Variants in IL1RAPL1 observed in about 807,000 individuals in gnomAD.
The protein encoded by IL1RAPL1 is interleukin 1 receptor accessory protein like 1.
Under a neutral mutation model 48.4 loss-of-function variants are expected in IL1RAPL1, and 3 were observed. That is an observed-to-expected ratio of 0.06 (90% CI 0.03 to 0.16). The LOEUF (loss-of-function observed/expected upper bound fraction) is 0.16. IL1RAPL1 is among the 10% of genes least tolerant of loss of function. The pLI is 1.00. For synonymous variants in IL1RAPL1, 185 were observed against 187.7 expected, an observed-to-expected ratio of 0.99 and a Z score of 0.12; for missense variants, 349 against 530.6, an observed-to-expected ratio of 0.66 and a Z score of 3.36.
At chrX:28,920,269 G>A (rs1601958925) in intron 2 of IL1RAPL1, among the ~76,000 whole-genome samples, 1 of 111,172 alleles carries the variant, frequency 9.0e-6, no homozygotes, top group East Asian at 2.8e-4. Flanking sequence ...CTGTAAAACT[G>A]GCTTTTTGCT....
At chrX:28,900,504 A>C (rs752630764) in intron 2 of IL1RAPL1, among the ~76,000 whole-genome samples, 1 of 112,166 alleles carries the variant, frequency 8.9e-6, no homozygotes, top group East Asian at 2.8e-4. Flanking sequence ...TAATATATAA[A>C]AATCTTAAAA....
At chrX:29,624,241 T>G (rs1177344141) in intron 5 of IL1RAPL1, among the ~76,000 whole-genome samples, 1 of 111,835 alleles carries the variant, frequency 8.9e-6, no homozygotes, top group African/African-American at 3.3e-5. Context: ...AGCAACTGAC[T>G]GTAGCATCCA....
At chrX:29,427,432 G>A (rs775587893) in intron 5 of IL1RAPL1, among the ~76,000 whole-genome samples, 3 of 112,187 alleles carry the variant, frequency 2.7e-5, no homozygotes, top group East Asian at 5.6e-4. Flanking sequence ...CTGAAGGATA[G>A]TATGCATTTC....
At chrX:29,437,377 T>G (rs1316476684) in intron 5 of IL1RAPL1, among the ~76,000 whole-genome samples, 3 of 110,789 alleles carry the variant, frequency 2.7e-5, no homozygotes, top group African/African-American at 3.3e-5. Context: ...TTTCTTCCTT[T>G]CCTAGCTACG....
chrX:29,410,332 G>A lies in IL1RAPL1; in HGVS notation c.703+11024G>A, dbSNP rs1035489184. Among the ~76,000 whole-genome samples the A allele has an allele frequency of 4.6e-5, 5 of 108,978 alleles. No homozygotes were observed. In the South Asian group the frequency reaches 2.1e-3, roughly 45 times the overall value. The allele number at this position is 108,978 out of a possible 115,157, so 94.6% of individuals were successfully genotyped here. A position where few individuals can be genotyped will look rare whatever the true frequency, so the allele number is the denominator to read the frequency against. On this transcript the variant is annotated intron_variant, in intron 5 of 10. Coordinates refer to ENST00000378993, the MANE Select transcript of IL1RAPL1 (RefSeq NM_014271.4). Reference sequence around the variant, plus strand: ...AAAAATTAGCTGGGTGTGGTGGTGCGTGCCTGTAGTCCCAGCTGCTCAGGA... The same window carrying A: ...AAAAATTAGCTGGGTGTGGTGGTGCATGCCTGTAGTCCCAGCTGCTCAGGA...
intron 2 of IL1RAPL1, among the ~76,000 whole-genome samples, chrX:28,943,913 A>T (rs780040640): frequency 3.5e-4 from 39 of 111,097 alleles, no homozygotes; most frequent in African/African-American, 1.2e-3. Context: ...ATAGATTTGT[A>T]AATCTACTTT....
chrX:29,380,447 G>A (rs1276858829), intron 3 of IL1RAPL1, among the ~76,000 whole-genome samples: 4 of 111,401 alleles, frequency 3.6e-5, no homozygotes, highest in African/African-American at 1.3e-4. Context: ...GGCTGGTCTC[G>A]AACTCCTGAC....
chrX:29,729,992 G>C (rs1485984139), intron 6 of IL1RAPL1, among the ~76,000 whole-genome samples: 1 of 112,194 alleles, frequency 8.9e-6, no homozygotes, highest in Non-Finnish European at 1.9e-5. Context: ...GACAAATAGA[G>C]AAGGCCTTGA....
intron 2 of IL1RAPL1, among the ~76,000 whole-genome samples, chrX:28,793,702 G>T (rs1036227187): frequency 1.8e-5 from 2 of 111,442 alleles, no homozygotes; most frequent in Non-Finnish European, 3.8e-5. Context: ...GACAAAGTAT[G>T]ACTATAGCAC....
intron 2 of IL1RAPL1, among the ~76,000 whole-genome samples, chrX:28,858,285 A>G (rs1252009220): frequency 8.9e-6 from 1 of 112,677 alleles, no homozygotes; most frequent in Non-Finnish European, 1.9e-5. Context: ...AGACTATTAC[A>G]TAGACTTAGT....
chrX:28,859,406 C>T (rs1434563418), intron 2 of IL1RAPL1, among the ~76,000 whole-genome samples: 2 of 111,093 alleles, frequency 1.8e-5, no homozygotes, highest in Admixed American at 9.6e-5. Context: ...ACTACAGGTG[C>T]GTGCCACTAC....
chrX:29,064,431 T>G (rs1927406957), intron 2 of IL1RAPL1, among the ~76,000 whole-genome samples: 1 of 111,300 alleles, frequency 9.0e-6, no homozygotes, highest in South Asian at 3.8e-4. Context: ...TGCTTCCTGA[T>G]GCTCTATTAT....
chrX:29,947,484 G>A (rs1290107499), intron 9 of IL1RAPL1, among the ~76,000 whole-genome samples: 2 of 111,329 alleles, frequency 1.8e-5, no homozygotes, highest in Non-Finnish European at 3.8e-5. Flanking sequence ...TACGTTGGGA[G>A]TTATTACAGG....
chrX:29,555,587 C>T (rs1481990624), intron 5 of IL1RAPL1, among the ~76,000 whole-genome samples: 1 of 111,897 alleles, frequency 8.9e-6, no homozygotes, highest in African/African-American at 3.2e-5. Flanking sequence ...CTTCAAAGTT[C>T]ATTGTAGCCC....
At chrX:29,802,126 G>C (rs1413823740) in intron 6 of IL1RAPL1, among the ~76,000 whole-genome samples, 1 of 111,759 alleles carries the variant, frequency 8.9e-6, no homozygotes, top group East Asian at 2.8e-4. Context: ...GCCAAAGTTT[G>C]ATCCCACTCA....
chrX:28,673,670 T>G, intron 1 of IL1RAPL1, among the ~76,000 whole-genome samples: 1 of 110,323 alleles, frequency 9.1e-6, no homozygotes, highest in Non-Finnish European at 1.9e-5. Flanking sequence ...AAACATGGAG[T>G]GGGATGTGAT....
intron 2 of IL1RAPL1, among the ~76,000 whole-genome samples, chrX:29,264,745 T>G (rs1289997421): frequency 9.0e-6 from 1 of 110,982 alleles, no homozygotes; most frequent in Non-Finnish European, 1.9e-5. Flanking sequence ...TTACTCTCTA[T>G]GTACCTGTTT....
At chrX:28,708,262 C>A in intron 1 of IL1RAPL1, among the ~76,000 whole-genome samples, 1 of 111,066 alleles carries the variant, frequency 9.0e-6, no homozygotes, top group Non-Finnish European at 1.9e-5. Flanking sequence ...CTCAGAATTC[C>A]TAGATTTCCA....
chrX:29,786,353 C>G (rs1034803423), intron 6 of IL1RAPL1, among the ~76,000 whole-genome samples: 2 of 110,916 alleles, frequency 1.8e-5, no homozygotes, highest in African/African-American at 6.6e-5. Context: ...TAGAGAAACC[C>G]TGGGGAAGGG....
Sources: allele counts gnomAD v4.1 joint callset (sites outside exome capture counted in the v4.1 genomes callset), GRCh38; gene constraint gnomAD v4.1.1; transcripts MANE v1.5; gene names NCBI Gene and HGNC (gene_info 2026-07-23, HGNC 2026-07-21).